Variants in PAK2 observed in about 807,000 individuals in gnomAD.
PAK2 encodes p21 (RAC1) activated kinase 2, also known as serine/threonine-protein kinase PAK 2.
Under a neutral mutation model 65.9 loss-of-function variants are expected in PAK2, and 21 were observed. The observed-to-expected ratio is 0.32, with a 90% CI of 0.23 to 0.46. The LOEUF (loss-of-function observed/expected upper bound fraction) is 0.46. PAK2 is among the 20% of genes least tolerant of loss of function. PAK2 has a pLI of 1.00. For synonymous variants in PAK2, 204 were observed against 219.7 expected, an observed-to-expected ratio of 0.93 and a Z score of 0.63; for missense variants, 324 against 642.6, an observed-to-expected ratio of 0.50 and a Z score of 5.36.
At chr3:196,743,563 C>A (rs1272943033) in intron 1 of PAK2, among the ~76,000 whole-genome samples, 1 of 152,070 alleles carries the variant, frequency 6.6e-6, no homozygotes, top group Non-Finnish European at 1.5e-5. Context: ...AAACTGCCTT[C>A]TAGGCCGGGT....
At chr3:196,757,871 G>A (rs937424197) in intron 1 of PAK2, among the ~76,000 whole-genome samples, 4 of 152,088 alleles carry the variant, frequency 2.6e-5, no homozygotes, top group African/African-American at 7.2e-5. Context: ...TTGAACATAC[G>A]GTGCTTAAGG....
chr3:196,813,457 C>CAA (rs566020366), intron 10 of PAK2, among the ~76,000 whole-genome samples: 6 of 60,968 alleles, frequency 9.8e-5, no homozygotes, highest in African/African-American at 2.6e-4. Flanking sequence ...GACTCCATCT[C>CAA]AAAAAAAAAA....
At chr3:196,789,483 T>TTTTTTTA (rs1317900181) in intron 2 of PAK2, among the ~76,000 whole-genome samples, 1 of 79,710 alleles carries the variant, frequency 1.3e-5, no homozygotes, top group Admixed American at 1.2e-4. Flanking sequence ...TTCTTTTTTC[T>TTTTTTTA]TTTTTGTTTC....
chr3:196,816,425 CAAG>C (rs1716030403), intron 11 of PAK2, among the ~76,000 whole-genome samples: 1 of 152,118 alleles, frequency 6.6e-6, no homozygotes, highest in Admixed American at 6.5e-5. Context: ...CTGATAAAAA[CAAG>C]AATTTACCTA....
intron 12 of PAK2, among the ~76,000 whole-genome samples, chr3:196,819,165 G>C (rs1226692088): frequency 1.3e-5 from 2 of 152,158 alleles, no homozygotes; most frequent in African/African-American, 4.8e-5. Context: ...AGGGAGGCCG[G>C]GTGCAGTGGC....
At chr3:196,825,558 G>A (rs545087514) in intron 13 of PAK2, among the ~76,000 whole-genome samples, 21 of 151,950 alleles carry the variant, frequency 1.4e-4, no homozygotes, top group Middle Eastern at 3.4e-3. Flanking sequence ...CAGGAGAATC[G>A]CTTGAACTCA....
At chr3:196,769,511 A>G (rs1179302052) in intron 1 of PAK2, among the ~76,000 whole-genome samples, 1 of 151,786 alleles carries the variant, frequency 6.6e-6, no homozygotes, top group Non-Finnish European at 1.5e-5. Flanking sequence ...CATCATCCCA[A>G]GCAGCAATTC....
intron 1 of PAK2, among the ~76,000 whole-genome samples, chr3:196,748,354 C>T (rs1459248935): frequency 6.6e-6 from 1 of 152,142 alleles, no homozygotes; most frequent in Non-Finnish European, 1.5e-5. Context: ...CCAAAGCCCA[C>T]AGTTTACGTT....
intron 1 of PAK2, among the ~76,000 whole-genome samples, chr3:196,767,685 G>A (rs150387748): frequency 1.2e-4 from 18 of 152,060 alleles, no homozygotes; most frequent in African/African-American, 3.6e-4. Flanking sequence ...TAGTAGAGAC[G>A]GGGTTTCATC....
At chr3:196,796,340 A>G (rs1480966139) in intron 2 of PAK2, among the ~76,000 whole-genome samples, 1 of 152,236 alleles carries the variant, frequency 6.6e-6, no homozygotes, top group Non-Finnish European at 1.5e-5. Flanking sequence ...AAGACTGCAT[A>G]TTGTTTGGTC....
At chr3:196,788,416 G>A (rs1714966176) in intron 2 of PAK2, among the ~76,000 whole-genome samples, 1 of 152,118 alleles carries the variant, frequency 6.6e-6, no homozygotes, top group South Asian at 2.1e-4. Context: ...ACTCTAGGAT[G>A]TTTTCACTTA....
chr3:196,813,429 G>A (rs1419131897), intron 10 of PAK2, among the ~76,000 whole-genome samples: 2 of 147,892 alleles, frequency 1.4e-5, no homozygotes, highest in East Asian at 4.0e-4. Context: ...CTGCACTCCA[G>A]CCTGGGCAAT....
intron 2 of PAK2, among the ~76,000 whole-genome samples, chr3:196,786,460 T>C (rs986846420): frequency 6.6e-5 from 10 of 152,120 alleles, no homozygotes; most frequent in Non-Finnish European, 1.2e-4. Context: ...CGTGCCTGTC[T>C]TCAATTTCTC....
chr3:196,762,770 G>A (rs1328941508), intron 1 of PAK2, among the ~76,000 whole-genome samples: 3 of 150,404 alleles, frequency 2.0e-5, no homozygotes, highest in South Asian at 4.2e-4. Flanking sequence ...ACTCCAGCCT[G>A]GGCAACGAGA....
chr3:196,798,877 A>G (rs771007451), intron 2 of PAK2, among the ~76,000 whole-genome samples: 4 of 152,208 alleles, frequency 2.6e-5, no homozygotes, highest in Non-Finnish European at 5.9e-5. Context: ...AACTTGGAAT[A>G]GAAGAGAATG....
At chr3:196,781,604 A>G (rs1665252349) in intron 1 of PAK2, among the ~76,000 whole-genome samples, 1 of 152,204 alleles carries the variant, frequency 6.6e-6, no homozygotes, top group Non-Finnish European at 1.5e-5. Context: ...GCAAAACTCA[A>G]AAGACTAATG....
chr3:196,769,461 G>A (rs1349775797), intron 1 of PAK2, among the ~76,000 whole-genome samples: 1 of 151,970 alleles, frequency 6.6e-6, no homozygotes, highest in Non-Finnish European at 1.5e-5. Context: ...TATATTCAAT[G>A]TTGTACAACC....
At chr3:196,808,798 T>G (rs1029206544) in intron 7 of PAK2, among the ~76,000 whole-genome samples, 2 of 152,020 alleles carry the variant, frequency 1.3e-5, no homozygotes, top group East Asian at 3.9e-4. Flanking sequence ...GAGGCGGAGA[T>G]TGCAGTGAGC....
intron 1 of PAK2, among the ~76,000 whole-genome samples, chr3:196,759,498 G>GTTT (rs71301221): frequency 9.3e-5 from 10 of 108,106 alleles, no homozygotes; most frequent in Admixed American, 1.1e-4. Flanking sequence ...GGTTTTTTTT[G>GTTT]TTTTTTTTTT....
Sources: gnomAD v4.1 joint callset for allele counts (sites outside exome capture counted in the v4.1 genomes callset) on GRCh38, gnomAD v4.1.1 for gene constraint, MANE v1.5 for transcripts, NCBI Gene and HGNC (gene_info 2026-07-23, HGNC 2026-07-21) for gene names.